Variants in YEATS2 observed in about 807,000 individuals in gnomAD.
The protein encoded by YEATS2 is YEATS domain containing 2.
YEATS2 carries 77 observed loss-of-function variants against 163.2 expected under a neutral mutation model. The observed-to-expected ratio is 0.47, with a 90% CI of 0.39 to 0.57. The LOEUF (loss-of-function observed/expected upper bound fraction) is 0.57, where lower values mean the gene tolerates loss of function less well. YEATS2 is among the 20% of genes least tolerant of loss of function. The pLI is 0.00. For missense variants in YEATS2, 1,549 were observed against 1,729.8 expected, an observed-to-expected ratio of 0.90 and a Z score of 1.85; for synonymous variants, 631 against 645.1, an observed-to-expected ratio of 0.98 and a Z score of 0.33.
At position 183,714,264 on chromosome 3, in the gene YEATS2, C is replaced by T. The variant is rs190875325; in HGVS notation, c.-19-880C>T. ...AGGCTGGAGTGCAGTGGCGCGATCTCAGCTCACTGCAAGCTCTGCCTCCTG... is the reference window on the plus strand; with the variant it reads ...AGGCTGGAGTGCAGTGGCGCGATCTTAGCTCACTGCAAGCTCTGCCTCCTG... On this transcript the variant is annotated intron_variant, in intron 1 of 30. Transcript: ENST00000305135. 5.9e-3 allele frequency among the ~76,000 whole-genome samples: 882 copies of T among 149,720 alleles called. 7 individuals are homozygous for T. The highest frequency in any genetic ancestry group is 0.021 in the African/African-American group (842 of 40,574).
At chr3:183,733,954 A>C (rs12163610) in intron 7 of YEATS2, among the ~76,000 whole-genome samples, 25,152 of 152,122 alleles carry the variant, frequency 0.17, 2,236 homozygotes, top group East Asian at 0.31. Context: ...GAAACCAAAA[A>C]GGTCTTCCTG....
chr3:183,704,413 A>G (rs1714413822), intron 1 of YEATS2, among the ~76,000 whole-genome samples: 3 of 151,842 alleles, frequency 2.0e-5, no homozygotes, highest in Non-Finnish European at 2.9e-5. Flanking sequence ...ACATTTCCAT[A>G]GGTTTGGAGA....
At chr3:183,785,657 A>G (rs1481828882) in intron 19 of YEATS2, among the ~76,000 whole-genome samples, 1 of 152,060 alleles carries the variant, frequency 6.6e-6, no homozygotes, top group African/African-American at 2.4e-5. Context: ...CCCTGTCTCT[A>G]AAAAAATAAA....
At chr3:183,725,358 C>G (rs1716975146) in intron 6 of YEATS2, among the ~76,000 whole-genome samples, 1 of 152,154 alleles carries the variant, frequency 6.6e-6, no homozygotes, top group South Asian at 2.1e-4. Context: ...CTCGAATGTT[C>G]AAATCTTCAT....
At position 183,772,270 on chromosome 3, in the gene YEATS2, C is replaced by T. The variant is rs200428523; in HGVS notation, c.1948-35C>T. 432 of 1,608,904 alleles carry T rather than the reference C, an allele frequency of 2.7e-4. 1 individual carries two copies. The African/African-American group carries it at 5.2e-3, about 19-fold the overall frequency. Reference sequence around the variant, plus strand: ...CGGTGACTGCTGTTCTAAGAGCTCTCGAAGCACCGTTGGACTCTGCTCTGT... The same window carrying T: ...CGGTGACTGCTGTTCTAAGAGCTCTTGAAGCACCGTTGGACTCTGCTCTGT... On this transcript the variant is annotated intron_variant, in intron 15 of 30. Transcript: ENST00000305135.
intron 21 of YEATS2, among the ~76,000 whole-genome samples, chr3:183,794,228 C>G (rs746862718): frequency 1.1e-4 from 16 of 152,074 alleles, no homozygotes; most frequent in Admixed American, 2.6e-4. Context: ...AGGGAATGGA[C>G]CAGGAAGTAG....
In YEATS2 at chr3:183,810,780, TC is replaced by T. The variant is rs1332246134; in HGVS notation, c.*199del. On this transcript the variant is annotated 3_prime_UTR_variant, in exon 31 of 31. Coordinates refer to ENST00000305135, the MANE Select transcript of YEATS2 (RefSeq NM_018023.5). ...AATCCTCCTAGGACAGGAGTTTGTT[TC>T]CTGAGTGTGGAGTGAGGCTGTCAGT... is the stretch of plus-strand genomic sequence containing the variant. 3.5e-6 allele frequency: 2 copies of T among 565,084 alleles called. No homozygotes were observed. Among genetic ancestry groups the T allele is most frequent in the Middle Eastern group, 4.9e-4 (1 of 2,042 alleles). 35.0% of individuals were successfully genotyped at this position (565,084 alleles called of 1,614,324 possible).
chr3:183,717,842 G>A (rs1208657310), intron 3 of YEATS2, 94 bp downstream of exon 3: 4 of 602,232 alleles, frequency 6.6e-6, no homozygotes, highest in Non-Finnish European at 9.9e-6. Flanking sequence ...GTCACAGTTT[G>A]CTTTATCCTC....
At chr3:183,797,715 C>G (rs1028863781) in intron 21 of YEATS2, among the ~76,000 whole-genome samples, 2 of 152,170 alleles carry the variant, frequency 1.3e-5, no homozygotes, top group Non-Finnish European at 2.9e-5. Context: ...GACTCCATCT[C>G]AAAAAGTAAA....
chr3:183,794,039 C>T (rs368278055), intron 21 of YEATS2, among the ~76,000 whole-genome samples: 2 of 152,162 alleles, frequency 1.3e-5, no homozygotes, highest in African/African-American at 2.4e-5. Context: ...GCGTGAGCAA[C>T]GGAGAGAGCA....
intron 25 of YEATS2, 179 bp from the exon 26 acceptor site, chr3:183,803,077 A>C (rs1424247276): frequency 3.1e-6 from 2 of 636,700 alleles, no homozygotes; most frequent in African/African-American, 3.7e-5. Flanking sequence ...TACACACGGC[A>C]AGACACCTTC....
intron 7 of YEATS2, among the ~76,000 whole-genome samples, chr3:183,736,366 C>T (rs1718342041): frequency 6.6e-6 from 1 of 152,162 alleles, no homozygotes; most frequent in Admixed American, 6.5e-5. Context: ...GGGAGCATAC[C>T]TCATGGCCTG....
chr3:183,778,636 G>A (rs1170545640), intron 19 of YEATS2, among the ~76,000 whole-genome samples: 1 of 151,748 alleles, frequency 6.6e-6, no homozygotes, highest in Non-Finnish European at 1.5e-5. Context: ...GATTACAGGC[G>A]TGATCCGCTC....
intron 1 of YEATS2, among the ~76,000 whole-genome samples, chr3:183,713,432 G>A (rs937966317): frequency 6.6e-6 from 1 of 152,084 alleles, no homozygotes; most frequent in African/African-American, 2.4e-5. Context: ...GTGTGGTGGT[G>A]CATGCCTGTA....
intron 17 of YEATS2, among the ~76,000 whole-genome samples, chr3:183,774,311 G>C (rs139883872): frequency 1.4e-3 from 206 of 152,276 alleles, no homozygotes; most frequent in African/African-American, 4.8e-3. Context: ...GATTCTCACA[G>C]GAGCGCGAAC....
chr3:183,722,222 G>T, intron 5 of YEATS2, 86 bp downstream of exon 5: 1 of 1,369,668 alleles, frequency 7.3e-7, no homozygotes, highest in Non-Finnish European at 9.7e-7. Flanking sequence ...TCACTGAACT[G>T]TCACAGGAAT....
At chr3:183,794,107 G>T (rs1414918641) in intron 21 of YEATS2, among the ~76,000 whole-genome samples, 1 of 152,180 alleles carries the variant, frequency 6.6e-6, no homozygotes, top group Non-Finnish European at 1.5e-5. Context: ...CTTTGACTCT[G>T]GGGGAAGCCA....
intron 7 of YEATS2, among the ~76,000 whole-genome samples, chr3:183,733,732 C>T (rs1434353683): frequency 6.6e-6 from 1 of 152,210 alleles, no homozygotes; most frequent in Non-Finnish European, 1.5e-5. Flanking sequence ...CAGCACATTA[C>T]CTGACAAAGA....
chr3:183,777,687 C>T lies in YEATS2; in HGVS notation c.2723C>T (p.Thr908Ile). 6.2e-7 allele frequency: 1 copy of T among 1,614,144 alleles called. No homozygotes were observed. Among genetic ancestry groups the T allele is most frequent in the Non-Finnish European group, 8.5e-7 (1 of 1,180,030 alleles). The change falls in exon 19 of 31, where the codon ACA becomes ATA. Residue 908 changes from threonine (T) to isoleucine (I), a missense_variant. Physicochemically the swap from Thr to Ile is moderately conservative, Grantham distance 89 (BLOSUM62 -1). Coordinates refer to ENST00000305135, the MANE Select transcript of YEATS2 (RefSeq NM_018023.5). ...AAAGTCATCTCTGGACAGAAAACCA[C>T]ATTGTTTACACAGGTAAATACGCCC... ...TLKVISGQKT[T>I]LFTQAAHGGQ...
Sources: allele counts gnomAD v4.1 joint callset (sites outside exome capture counted in the v4.1 genomes callset), GRCh38; gene constraint gnomAD v4.1.1; transcripts MANE v1.5; gene names NCBI Gene and HGNC (gene_info 2026-07-23, HGNC 2026-07-21).